The following RBFOX1 variants were observed in gnomAD, a reference collection of about 807,000 sequenced individuals.
RBFOX1 encodes the protein RNA binding fox-1 homolog 1, also known as RNA binding protein fox-1 homolog 1.
A neutral mutation model predicts 57.7 loss-of-function variants in RBFOX1; 8 were observed. That is an observed-to-expected ratio of 0.14 (90% confidence interval 0.08 to 0.25). The LOEUF (loss-of-function observed/expected upper bound fraction) is 0.25, where lower values mean the gene tolerates loss of function less well. Ranked by LOEUF, RBFOX1 falls within the 10% of genes least tolerant of loss-of-function variation. The probability of loss-of-function intolerance (pLI) is 1.00; values close to 1 mark genes in which losing one functional copy is unlikely to be tolerated. For synonymous variants in RBFOX1, 326 were observed against 222.4 expected, an observed-to-expected ratio of 1.47 and a Z score of -4.15; for missense variants, 611 against 548.5, an observed-to-expected ratio of 1.11 and a Z score of -1.14.
chr16:6,348,348 T>C (rs781561608), intron 2 of RBFOX1, among the ~76,000 whole-genome samples: 1 of 152,124 alleles, frequency 6.6e-6, no homozygotes, highest in Non-Finnish European at 1.5e-5. Flanking sequence ...TCTTGGAGAA[T>C]TGAATGAGAT....
chr16:6,934,477 C>T (rs756534235), intron 3 of RBFOX1, among the ~76,000 whole-genome samples: 7 of 152,164 alleles, frequency 4.6e-5, no homozygotes, highest in Admixed American at 2.0e-4. Flanking sequence ...ATCAACCTAA[C>T]TGTCCATCAG....
chr16:6,001,455 C>T (rs1167660800), intron 4 of RBFOX1, among the ~76,000 whole-genome samples: 1 of 152,094 alleles, frequency 6.6e-6, no homozygotes, highest in East Asian at 1.9e-4. Context: ...GGACTTTGCT[C>T]GAATTACAGA....
At chr16:5,345,455 G>A (rs1207078169) in intron 1 of RBFOX1, among the ~76,000 whole-genome samples, 1 of 152,192 alleles carries the variant, frequency 6.6e-6, no homozygotes, top group African/African-American at 2.4e-5. Flanking sequence ...ATCAGCCGCT[G>A]TCCACTTCCA....
At chr16:6,177,897 A>G (rs2097025885) in intron 1 of RBFOX1, among the ~76,000 whole-genome samples, 1 of 147,512 alleles carries the variant, frequency 6.8e-6, no homozygotes. Flanking sequence ...AGAACTTGAA[A>G]TAGCTCCTGC....
At chr16:5,825,805 A>G (rs1019873800) in intron 3 of RBFOX1, among the ~76,000 whole-genome samples, 9 of 146,466 alleles carry the variant, frequency 6.1e-5, no homozygotes, top group Admixed American at 2.8e-4. Context: ...ATTCCTTAAT[A>G]TGAATAAGGA....
At chr16:5,821,649 CCTG>C (rs2055862657) in intron 3 of RBFOX1, among the ~76,000 whole-genome samples, 2 of 152,048 alleles carry the variant, frequency 1.3e-5, no homozygotes, top group Admixed American at 1.3e-4. Context: ...TCAGTCTGTT[CCTG>C]CTGCTGTAAC....
At chr16:5,945,302 C>G (rs1452853637) in intron 4 of RBFOX1, among the ~76,000 whole-genome samples, 2 of 152,188 alleles carry the variant, frequency 1.3e-5, no homozygotes, top group East Asian at 1.9e-4. Context: ...GATGTTGTGT[C>G]TGGAGTCATC....
chr16:5,642,322 C>T (rs545234752), intron 3 of RBFOX1, among the ~76,000 whole-genome samples: 20 of 152,214 alleles, frequency 1.3e-4, no homozygotes, highest in African/African-American at 3.4e-4. Context: ...GCGAATTACC[C>T]GAAATACATG....
chr16:7,471,194 T>C (rs1292087617), intron 4 of RBFOX1, among the ~76,000 whole-genome samples: 1 of 152,226 alleles, frequency 6.6e-6, no homozygotes, highest in Non-Finnish European at 1.5e-5. Flanking sequence ...ATGCTCTTTT[T>C]TAACGAGTGC....
chr16:7,172,100 T>G (rs1344358355), intron 4 of RBFOX1, among the ~76,000 whole-genome samples: 1 of 152,244 alleles, frequency 6.6e-6, no homozygotes, highest in Non-Finnish European at 1.5e-5. Flanking sequence ...CGTTCTCATC[T>G]GTAAAATGAA....
intron 4 of RBFOX1, among the ~76,000 whole-genome samples, chr16:7,380,050 G>A (rs1057126922): frequency 1.3e-5 from 2 of 152,104 alleles, no homozygotes; most frequent in African/African-American, 4.8e-5. Context: ...AGAGAAGAGT[G>A]TCTTGCTATG....
At chr16:5,280,245 T>G (rs1326149144) in intron 1 of RBFOX1, among the ~76,000 whole-genome samples, 1 of 152,240 alleles carries the variant, frequency 6.6e-6, no homozygotes, top group East Asian at 1.9e-4. Flanking sequence ...ATGTATTGAT[T>G]TGTGTATGTT....
chr16:5,423,859 T>C (rs1228126840), intron 1 of RBFOX1, among the ~76,000 whole-genome samples: 1 of 152,210 alleles, frequency 6.6e-6, no homozygotes, highest in Non-Finnish European at 1.5e-5. Flanking sequence ...GCCAGGCTCA[T>C]TGAGGCCAGG....
In RBFOX1 at chr16:6,788,799, C is replaced by T. The variant is rs922150939; in HGVS notation, c.-16+134149C>T. Among the ~76,000 whole-genome samples, 43 of 152,122 alleles carry T rather than the reference C, an allele frequency of 2.8e-4. 1 individual carries two copies. Among genetic ancestry groups the T allele is most frequent in the African/African-American group, 9.9e-4 (41 of 41,520 alleles). On this transcript the variant is annotated intron_variant, in intron 3 of 15. Transcript: ENST00000550418. ...CCCCCACTGATTTTTCTGAGGATGC[C>T]TCTGTGATGTCATACGATGTGCCAA... is the stretch of plus-strand genomic sequence containing the variant.
intron 4 of RBFOX1, among the ~76,000 whole-genome samples, chr16:7,326,904 T>C (rs1314677712): frequency 3.3e-5 from 5 of 152,288 alleles, no homozygotes; most frequent in African/African-American, 9.6e-5. Context: ...ACTTTTTCAG[T>C]CAGTCATTTC....
intron 4 of RBFOX1, among the ~76,000 whole-genome samples, chr16:7,154,098 G>T (rs2076619018): frequency 6.6e-6 from 1 of 152,186 alleles, no homozygotes; most frequent in Admixed American, 6.5e-5. Flanking sequence ...GGGAATATTA[G>T]CAGGTAGAAA....
intron 4 of RBFOX1, among the ~76,000 whole-genome samples, chr16:7,438,692 GT>G (rs1436501249): frequency 3.9e-5 from 6 of 152,196 alleles, no homozygotes; most frequent in Admixed American, 2.0e-4. Context: ...ACGTGCTAAA[GT>G]CGGCTTCAGA....
At chr16:7,287,007 G>C (rs1052683332) in intron 4 of RBFOX1, among the ~76,000 whole-genome samples, 39 of 152,304 alleles carry the variant, frequency 2.6e-4, no homozygotes, top group African/African-American at 9.4e-4. Flanking sequence ...CATTGAACAT[G>C]AACGCAGGCA....
At chr16:7,101,106 A>G (rs1028648634) in intron 4 of RBFOX1, among the ~76,000 whole-genome samples, 3 of 152,302 alleles carry the variant, frequency 2.0e-5, no homozygotes, top group Non-Finnish European at 4.4e-5. Context: ...TTCTCATGCT[A>G]TGGTACTTTT....
Sources: allele counts gnomAD v4.1 joint callset (sites outside exome capture counted in the v4.1 genomes callset), GRCh38; gene constraint gnomAD v4.1.1; transcripts MANE v1.5; gene names NCBI Gene and HGNC (gene_info 2026-07-23, HGNC 2026-07-21).